The following ATXN2 variants were observed in gnomAD, a reference collection of about 807,000 sequenced individuals.
ATXN2 encodes the protein ataxin 2.
In ATXN2, 37 loss-of-function variants were observed where a neutral mutation model predicts 138.6. The ratio of observed to expected loss-of-function variants is 0.27; its 90% CI spans 0.21 to 0.35. ATXN2 has a LOEUF of 0.35. Ranked by LOEUF, ATXN2 falls within the 10% of genes least tolerant of loss-of-function variation. The pLI is 1.00. For missense variants in ATXN2, 1,216 were observed against 1,480.3 expected (o/e 0.82, Z 2.93); for synonymous variants, 549 against 543.7 (o/e 1.01, Z -0.13).
intron 2 of ATXN2, 147 bp downstream of exon 2, chr12:111,555,736 A>G (rs1882355388): frequency 1.6e-6 from 1 of 629,792 alleles, no homozygotes; most frequent in African/African-American, 1.9e-5. Flanking sequence ...AAAAAAACAC[A>G]TATAGGCTAA....
At chr12:111,562,162 A>G (rs570221409) in intron 1 of ATXN2, among the ~76,000 whole-genome samples, 7 of 152,062 alleles carry the variant, frequency 4.6e-5, no homozygotes, top group African/African-American at 1.7e-4. Flanking sequence ...TGCCAGGTAC[A>G]ATGGCTCATG....
chr12:111,485,084 C>T (rs1877541806), intron 18 of ATXN2, 181 bp downstream of exon 18: 8 of 542,920 alleles, frequency 1.5e-5, no homozygotes, highest in South Asian at 3.3e-5. Context: ...GGCATTTTTT[C>T]TCCCCTGTTT....
At chr12:111,497,001 TAATAA>T (rs920585566) in intron 14 of ATXN2, among the ~76,000 whole-genome samples, 1 of 150,864 alleles carries the variant, frequency 6.6e-6, no homozygotes, top group African/African-American at 2.4e-5. Flanking sequence ...AAAACCCAAA[TAATAA>T]AATGAGAGAT....
At chr12:111,457,559 G>C in intron 21 of ATXN2, 200 bp from the exon 22 acceptor site, 1 of 551,514 alleles carries the variant, frequency 1.8e-6, no homozygotes, top group East Asian at 3.1e-5. Context: ...CTAGCATTTG[G>C]TTCATATAAT....
Position 111,453,768 on chromosome 12 carries a change from G to T in ATXN2, c.3348C>A (p.Pro1116=). 1 of 1,614,124 alleles carries T rather than the reference G, an allele frequency of 6.2e-7. No homozygotes were observed. Among genetic ancestry groups the T allele is most frequent in the Non-Finnish European group, 8.5e-7 (1 of 1,179,988 alleles). Reference sequence around the variant, plus strand: ...GAGCGAGGGCGGCCTGGGGACCGCCGGGTGGCTGTGTCGTCATTAGCATCA... The same window carrying T: ...GAGCGAGGGCGGCCTGGGGACCGCCTGGTGGCTGTGTCGTCATTAGCATCA... The part of the protein sequence containing the change: ...APMMLMTTQP[P]GGPQAALAQS... Residue 1116 remains proline, a synonymous_variant, in exon 24 of 25, where the codon CCC becomes CCA. Transcript: ENST00000673436. This position sits in a 1 kb window ranked among gnomAD's most constrained non-coding sequence, Gnocchi z 5.4.
intron 1 of ATXN2, chr12:111,597,635 C>T (rs1237151715): frequency 4.6e-6 from 2 of 434,168 alleles, no homozygotes; most frequent in African/African-American, 2.0e-5. Context: ...CCCAACAGGC[C>T]CTCCTGCACA....
intron 1 of ATXN2, among the ~76,000 whole-genome samples, chr12:111,561,396 T>C (rs7308857): frequency 0.1 from 15,324 of 147,972 alleles, 2,577 homozygotes; most frequent in African/African-American, 0.36. Flanking sequence ...CAGGAGGAGG[T>C]GGCTGAGGGA....
In ATXN2 at chr12:111,488,543, C is replaced by G. The variant is rs766061712; in HGVS notation, c.2173G>C (p.Val725Leu). 7.4e-6 allele frequency: 12 copies of G among 1,614,070 alleles called. No individual in the cohort carries two copies. The highest frequency in any genetic ancestry group is 2.7e-5 in the African/African-American group (2 of 74,928). The change falls in exon 15 of 25, where the codon GTT becomes CTT. Residue 725 changes from valine to leucine, a missense_variant. Coordinates refer to ENST00000673436, the MANE Select transcript of ATXN2 (RefSeq NM_001372574.1). ...TTACATGCTGGGCTGGAAGTCTGAACCCCTTGGGAAGTGACCTCAGGTCCC... is the reference window on the plus strand; with the variant it reads ...TTACATGCTGGGCTGGAAGTCTGAAGCCCTTGGGAAGTGACCTCAGGTCCC... ...KRGPEVTSQG[V>L]QTSSPACKQE...
chr12:111,499,694 A>C lies in ATXN2; in HGVS notation c.1935+9855T>G, dbSNP rs564180188. Among the ~76,000 whole-genome samples, 7 of 152,046 alleles carry C rather than the reference A, an allele frequency of 4.6e-5. No individual in the cohort carries two copies. In the South Asian group the frequency reaches 8.3e-4, roughly 18 times the overall value. On this transcript the variant is annotated intron_variant, in intron 14 of 24. Coordinates refer to ENST00000673436, the MANE Select transcript of ATXN2 (RefSeq NM_001372574.1). ...GTCTCAAAAACAAAACAAAACAAAA[A>C]AAAAAGGAAGACATACAAGGCCAGG...
At chr12:111,498,332 A>G (rs1014144517) in intron 14 of ATXN2, among the ~76,000 whole-genome samples, 3 of 152,214 alleles carry the variant, frequency 2.0e-5, no homozygotes, top group Admixed American at 6.5e-5. Context: ...CTAGACTCCA[A>G]AAAAGAAAAA....
At chr12:111,567,117 GA>G (rs1224420550) in intron 1 of ATXN2, among the ~76,000 whole-genome samples, 1 of 152,180 alleles carries the variant, frequency 6.6e-6, no homozygotes, top group Non-Finnish European at 1.5e-5. Context: ...GCTTCTCATG[GA>G]TAAGCAAAGA....
intron 14 of ATXN2, among the ~76,000 whole-genome samples, chr12:111,488,989 T>C (rs1226633740): frequency 6.6e-6 from 1 of 152,168 alleles, no homozygotes; most frequent in African/African-American, 2.4e-5. Flanking sequence ...CACTCAAATG[T>C]CCTAGCCTCT....
chr12:111,583,309 C>CT (rs1566080096), intron 1 of ATXN2, among the ~76,000 whole-genome samples: 2 of 152,082 alleles, frequency 1.3e-5, no homozygotes, highest in African/African-American at 4.8e-5. Context: ...TATTCTTTCT[C>CT]TTTTAATAGG....
chr12:111,509,471 C>A, intron 14 of ATXN2, 78 bp downstream of exon 14: 1 of 834,574 alleles, frequency 1.2e-6, no homozygotes, highest in Non-Finnish European at 1.9e-6. Context: ...GTATACATAA[C>A]GCATTTTTAT....
intron 1 of ATXN2, among the ~76,000 whole-genome samples, chr12:111,583,419 T>C (rs992336645): frequency 1.3e-5 from 2 of 152,084 alleles, no homozygotes; most frequent in African/African-American, 2.4e-5. Flanking sequence ...ATACAATCAA[T>C]AGTGAACAAA....
Position 111,510,424 on chromosome 12 carries a change from T to G in ATXN2, c.1717A>C (p.Ser573Arg), listed in dbSNP as rs1342390794. The change falls in exon 12 of 25, where the codon AGT (serine) becomes CGT (arginine). Residue 573 changes from serine (S) to arginine (R), a missense_variant. Transcript: ENST00000673436. The stretch of plus-strand genomic sequence containing the variant: ...GTAACAGCTCTGTTCGATGCAGGAC[T>G]AGCAGGCGTAGGAGATGCAGCTGGA... ...PIPAASPTPA[S>R]PASNRAVTPS... The G allele has an allele frequency of 6.2e-7, 1 of 1,614,132 alleles. No individual in the cohort carries two copies. Among genetic ancestry groups the G allele is most frequent in the Non-Finnish European group, 8.5e-7 (1 of 1,180,010 alleles).
chr12:111,564,520 T>C (rs748864120), intron 1 of ATXN2, among the ~76,000 whole-genome samples: 44 of 150,648 alleles, frequency 2.9e-4, no homozygotes, highest in African/African-American at 2.7e-4. Flanking sequence ...AGAGAAGCTA[T>C]ATGGCCCTAG....
chr12:111,457,023 C>T (rs1177496214), intron 22 of ATXN2, among the ~76,000 whole-genome samples, 191 bp downstream of exon 22: 2 of 152,196 alleles, frequency 1.3e-5, no homozygotes, highest in African/African-American at 4.8e-5. Flanking sequence ...GGTGGGATTA[C>T]AGGCGTGAGC....
intron 23 of ATXN2, chr12:111,455,147 T>C (rs1332829624): frequency 2.8e-6 from 2 of 702,676 alleles, no homozygotes; most frequent in African/African-American, 1.7e-5. Flanking sequence ...GAATTCATTG[T>C]GGCAGGTCTC....
Sources: gnomAD v4.1 joint callset for allele counts (sites outside exome capture counted in the v4.1 genomes callset) on GRCh38, gnomAD v4.1.1 for gene constraint, Gnocchi (gnomAD v3.1) non-coding constraint, MANE v1.5 for transcripts, NCBI Gene and HGNC (gene_info 2026-07-23, HGNC 2026-07-21) for gene names.